SORBS2: variants seen among roughly 807,000 people sequenced by gnomAD.
SORBS2 encodes the protein sorbin and SH3 domain-containing protein 2.
Under a neutral mutation model 97.7 loss-of-function variants are expected in SORBS2, and 46 were observed. The observed-to-expected ratio is 0.47, with a 90% CI of 0.37 to 0.60. The LOEUF (loss-of-function observed/expected upper bound fraction) is 0.60. Among genes scored for constraint, SORBS2 ranks in the 20% least tolerant of loss-of-function variants. The probability of loss-of-function intolerance (pLI) is 0.00; values close to 1 mark genes in which losing one functional copy is unlikely to be tolerated. For missense variants in SORBS2, 1,316 were observed against 1,282.3 expected (o/e 1.03, Z -0.40); for synonymous variants, 476 against 473.4 (o/e 1.01, Z -0.07).
rs35846049 is a variant in SORBS2 at position 185,684,353 on chromosome 4, AG to A, written c.-197-5532del. Among the ~76,000 whole-genome samples the A allele has an allele frequency of 8.1e-3, 1,229 of 152,316 alleles. 20 individuals are homozygous for A. Among genetic ancestry groups the A allele is most frequent in the African/African-American group, 0.028 (1,154 of 41,560 alleles). On this transcript the variant is annotated intron_variant, in intron 2 of 20. Coordinates refer to the SORBS2 transcript ENST00000284776. This position sits in a 1 kb window ranked among gnomAD's most constrained non-coding sequence, Gnocchi z 4.2. ...TGCTGATTGGATTAAAGGAAAGCAA[AG>A]GTCTCTTTCAAAACTAATGTTCTAT...
At chr4:185,760,184 C>T (rs1008613938) in intron 2 of SORBS2, among the ~76,000 whole-genome samples, 2 of 152,182 alleles carry the variant, frequency 1.3e-5, no homozygotes, top group Admixed American at 6.5e-5. Context: ...TTGTTTCCAT[C>T]GAATTGGCAG....
At chr4:185,748,891 C>A (rs1240924893) in intron 2 of SORBS2, among the ~76,000 whole-genome samples, 3 of 152,148 alleles carry the variant, frequency 2.0e-5, no homozygotes, top group Admixed American at 2.0e-4. Context: ...CAAGAAGCAC[C>A]TTTCCACCTG....
rs563525875 is a variant in SORBS2 at position 185,841,191 on chromosome 4, ACT to A, written c.-337-65827_-337-65826del. ...TTGTGGGTGATGACAAGCATTGATG[ACT>A]CTAAGCTGGGTAATAACACAGTCAG... is the stretch of plus-strand genomic sequence containing the variant. On this transcript the variant is annotated intron_variant, in intron 1 of 20. Transcript: ENST00000284776. Among the ~76,000 whole-genome samples, 195 of 152,128 alleles carry A rather than the reference ACT, an allele frequency of 1.3e-3. 1 individual carries two copies. Among genetic ancestry groups the A allele is most frequent in the African/African-American group, 4.5e-3 (188 of 41,500 alleles).
chr4:185,701,441 C>A (rs547441873), intron 2 of SORBS2, among the ~76,000 whole-genome samples: 1 of 152,282 alleles, frequency 6.6e-6, no homozygotes, highest in South Asian at 2.1e-4. Context: ...GACAGAGATA[C>A]CCACTGACTT....
chr4:185,843,547 G>A (rs2153678244), intron 1 of SORBS2, among the ~76,000 whole-genome samples: 1 of 152,196 alleles, frequency 6.6e-6, no homozygotes, highest in Admixed American at 6.5e-5. Context: ...CCATATGGTA[G>A]AAATAAACAA....
chr4:185,820,276 A>G (rs1187413200), intron 1 of SORBS2, among the ~76,000 whole-genome samples: 1 of 152,186 alleles, frequency 6.6e-6, no homozygotes, highest in African/African-American at 2.4e-5. Context: ...GCTCCCTGCA[A>G]CCTCACCTGG....
At chr4:185,756,940 G>A (rs1232539492) in intron 2 of SORBS2, 1 of 1,454,080 alleles carries the variant, frequency 6.9e-7, no homozygotes, top group African/African-American at 1.4e-5. Context: ...TTCTGGGTAA[G>A]GGAAAAAGCA....
chr4:185,657,681 C>G (rs1561731540), upstream of SORBS2: 13 of 1,228,326 alleles, frequency 1.1e-5, no homozygotes, highest in African/African-American at 1.6e-5. Context: ...TTTATGCCAA[C>G]TGTAACACAG....
Position 185,623,938 on chromosome 4 carries a change from C to G in SORBS2, c.1191G>C (p.Trp397Cys), listed in dbSNP as rs1326817524. 4 of 1,614,196 alleles carry G rather than the reference C, an allele frequency of 2.5e-6. No individual in the cohort carries two copies. Among genetic ancestry groups the G allele is most frequent in the Middle Eastern group, 1.6e-4 (1 of 6,062 alleles). ...GCACCTCCTCCGTGGAGCACTGGCT[C>G]CAGGCGCGCAGCAGGTCCTTGTGCT... Residue 397 changes from tryptophan (W) to cysteine (C), a missense_variant, in exon 7 of 15, where the codon TGG becomes TGC. Coordinates refer to ENST00000418609, the Ensembl canonical transcript of SORBS2. The surrounding 1 kb of genome is among the most constrained non-coding windows in gnomAD (Gnocchi z 6.4).
At position 185,631,323 on chromosome 4, in the gene SORBS2, T is replaced by A. The variant is rs1024973318; in HGVS notation, c.397-725A>T. On this transcript the variant is annotated intron_variant, in intron 4 of 14. Coordinates refer to ENST00000418609, the Ensembl canonical transcript of SORBS2. ...TTTTCCTTCATTCTGAATAATACAC[T>A]GAAATAGATAGTAAGCAAAAATGAT... 5.3e-5 allele frequency among the ~76,000 whole-genome samples: 8 copies of A among 152,344 alleles called. No homozygotes were observed. In the East Asian group the frequency reaches 1.3e-3, roughly 26 times the overall value.
intron 6 of SORBS2, among the ~76,000 whole-genome samples, chr4:185,625,697 C>T (rs1025057984): frequency 6.6e-6 from 1 of 152,200 alleles, no homozygotes; most frequent in Non-Finnish European, 1.5e-5. Context: ...CATCTCTGCT[C>T]CTCAGAGGAA....
upstream of SORBS2, among the ~76,000 whole-genome samples, chr4:185,657,928 T>C (rs1428530874): frequency 6.6e-6 from 1 of 152,136 alleles, no homozygotes; most frequent in Non-Finnish European, 1.5e-5. Context: ...GAGGGCAGGA[T>C]AGGGGGAGCA....
chr4:185,921,527 G>GA (rs775336690), intron 1 of SORBS2, among the ~76,000 whole-genome samples: 2 of 150,572 alleles, frequency 1.3e-5, no homozygotes, highest in Non-Finnish European at 3.0e-5. Flanking sequence ...GAGAGGAAGA[G>GA]AAAAAAAAAG....
At chr4:185,622,867 G>A (rs771609982) in intron 7 of SORBS2, 47 bp downstream of exon 19, 4 of 1,509,492 alleles carry the variant, frequency 2.6e-6, no homozygotes, top group Non-Finnish European at 3.6e-6. Flanking sequence ...AAGAGCTGGA[G>A]GGTGGGTCTC....
intron 1 of SORBS2, among the ~76,000 whole-genome samples, chr4:185,855,018 A>G (rs1339326959): frequency 6.6e-6 from 1 of 152,176 alleles, no homozygotes; most frequent in East Asian, 1.9e-4. Context: ...TTATATATTT[A>G]TATACACACT....
At chr4:185,634,671 T>C (rs2096964315) in intron 4 of SORBS2, among the ~76,000 whole-genome samples, 1 of 152,170 alleles carries the variant, frequency 6.6e-6, no homozygotes, top group Non-Finnish European at 1.5e-5. Context: ...AAAATATACA[T>C]TGGCTGCCAT....
At chr4:185,669,218 T>G (rs2097669473) in intron 4 of SORBS2, among the ~76,000 whole-genome samples, 1 of 152,176 alleles carries the variant, frequency 6.6e-6, no homozygotes, top group Non-Finnish European at 1.5e-5. Flanking sequence ...CAAGTGCCCA[T>G]CATGGGTCAG....
intron 2 of SORBS2, among the ~76,000 whole-genome samples, chr4:185,739,129 GA>G (rs1318732252): frequency 6.6e-6 from 1 of 152,220 alleles, no homozygotes; most frequent in African/African-American, 2.4e-5. Flanking sequence ...CTTGCTGCTG[GA>G]TAAAGCATAG....
chr4:185,683,014 CA>C (rs35410308), intron 2 of SORBS2, among the ~76,000 whole-genome samples: 217 of 109,440 alleles, frequency 2.0e-3, no homozygotes, highest in Middle Eastern at 5.7e-3. Context: ...CCACCCGTCT[CA>C]AAAAAAAAAA....
Sources: gnomAD v4.1 joint callset for allele counts (sites outside exome capture counted in the v4.1 genomes callset) on GRCh38, gnomAD v4.1.1 for gene constraint, Gnocchi (gnomAD v3.1) non-coding constraint, MANE v1.5 for transcripts, NCBI Gene and HGNC (gene_info 2026-07-23, HGNC 2026-07-21) for gene names.